The following DIP2C variants were observed in gnomAD, a reference collection of about 807,000 sequenced individuals.
DIP2C encodes the protein DIP2 acetate--CoA ligase C (putative), also known as disco-interacting protein 2 homolog C.
A neutral mutation model predicts 192.4 loss-of-function variants in DIP2C; 33 were observed. The ratio of observed to expected loss-of-function variants is 0.17; its 90% confidence interval spans 0.13 to 0.23. The LOEUF (loss-of-function observed/expected upper bound fraction) is 0.23. DIP2C is among the 10% of genes least tolerant of loss of function. The pLI is 1.00. For synonymous variants in DIP2C, 979 were observed against 864.1 expected, an observed-to-expected ratio of 1.13 and a Z score of -2.33; for missense variants, 1,537 against 2,110.1, an observed-to-expected ratio of 0.73 and a Z score of 5.32.
chr10:580,151 G>T (rs570815914), intron 1 of DIP2C, among the ~76,000 whole-genome samples: 9 of 152,092 alleles, frequency 5.9e-5, no homozygotes, highest in South Asian at 2.1e-4. Flanking sequence ...ACACATATCC[G>T]ATGTACAGTG....
intron 29 of DIP2C, among the ~76,000 whole-genome samples, chr10:331,104 C>T (rs1333620059): frequency 6.6e-6 from 1 of 151,684 alleles, no homozygotes; most frequent in African/African-American, 2.4e-5. Flanking sequence ...GCATGAGCTG[C>T]CATAAGAGGC....
chr10:555,008 G>A (rs1202255897), intron 1 of DIP2C, among the ~76,000 whole-genome samples: 1 of 152,082 alleles, frequency 6.6e-6, no homozygotes, highest in East Asian at 1.9e-4. Flanking sequence ...ATATCACAAA[G>A]GGATTAGACT....
chr10:445,884 G>C (rs1968147300), intron 3 of DIP2C, among the ~76,000 whole-genome samples: 1 of 150,320 alleles, frequency 6.7e-6, no homozygotes, highest in South Asian at 2.1e-4. Flanking sequence ...ATTGAGAAGA[G>C]TCTATCTTGC....
chr10:314,788 G>C (rs1246643991), intron 31 of DIP2C, among the ~76,000 whole-genome samples: 1 of 152,218 alleles, frequency 6.6e-6, no homozygotes, highest in Non-Finnish European at 1.5e-5. Flanking sequence ...TTATAAGGGT[G>C]GAAGTCCCAT....
chr10:284,145 T>A (rs1589383192), intron 34 of DIP2C, among the ~76,000 whole-genome samples: 1 of 152,064 alleles, frequency 6.6e-6, no homozygotes, highest in Non-Finnish European at 1.5e-5. Context: ...GACTCTGGAG[T>A]GTTTGCTGTG....
chr10:545,922 C>T (rs1320392749), intron 1 of DIP2C, among the ~76,000 whole-genome samples: 4 of 152,132 alleles, frequency 2.6e-5, no homozygotes, highest in Non-Finnish European at 4.4e-5. Context: ...CGGTTTAAGC[C>T]GGTGGTTTTC....
At chr10:626,188 C>T (rs1230084234) in intron 1 of DIP2C, among the ~76,000 whole-genome samples, 5 of 152,198 alleles carry the variant, frequency 3.3e-5, no homozygotes, top group African/African-American at 1.2e-4. Flanking sequence ...CCTCCATGTG[C>T]ACCTGTGACG....
intron 34 of DIP2C, among the ~76,000 whole-genome samples, chr10:285,722 A>G (rs1387899820): frequency 6.6e-6 from 1 of 152,240 alleles, no homozygotes; most frequent in Non-Finnish European, 1.5e-5. Flanking sequence ...GTCTTTCTCT[A>G]GCTGCATCCC....
At chr10:317,729 T>C (rs1489635318) in intron 31 of DIP2C, among the ~76,000 whole-genome samples, 4 of 152,158 alleles carry the variant, frequency 2.6e-5, no homozygotes, top group African/African-American at 9.7e-5. Context: ...CAGCGGTGAC[T>C]CCAACATTCC....
chr10:295,762 C>A (rs1366984912), intron 32 of DIP2C, among the ~76,000 whole-genome samples: 3 of 150,566 alleles, frequency 2.0e-5, no homozygotes, highest in Non-Finnish European at 3.0e-5. Context: ...AACACACATA[C>A]CCTTGGGAGG....
At chr10:529,960 G>A (rs1159340422) in intron 1 of DIP2C, among the ~76,000 whole-genome samples, 4 of 152,128 alleles carry the variant, frequency 2.6e-5, no homozygotes, top group South Asian at 4.1e-4. Context: ...TTCCTAATTC[G>A]CCACCACGTG....
intron 12 of DIP2C, 73 bp from the exon 13 acceptor site, chr10:390,166 C>T (rs1323152812): frequency 1.9e-6 from 3 of 1,580,314 alleles, no homozygotes; most frequent in Admixed American, 1.7e-5. Flanking sequence ...TTGAGGTTCT[C>T]CAAGTCCCTG....
intron 1 of DIP2C, among the ~76,000 whole-genome samples, chr10:533,881 T>C (rs1364587786): frequency 6.6e-6 from 1 of 152,012 alleles, no homozygotes; most frequent in Non-Finnish European, 1.5e-5. Context: ...CTGAGAACTG[T>C]CTCAGAGACA....
chr10:645,866 C>A (rs1397021379), intron 1 of DIP2C, among the ~76,000 whole-genome samples: 2 of 152,206 alleles, frequency 1.3e-5, no homozygotes, highest in Admixed American at 1.3e-4. Context: ...CTGCTGACCA[C>A]TAGGACATAA....
chr10:540,000 C>G (rs1004622842), intron 1 of DIP2C, among the ~76,000 whole-genome samples: 1 of 152,210 alleles, frequency 6.6e-6, no homozygotes, highest in African/African-American at 2.4e-5. Context: ...CAGAAAGCCA[C>G]TTTCCCCTTC....
At chr10:325,828 G>A (rs924972068) in intron 31 of DIP2C, among the ~76,000 whole-genome samples, 1 of 152,090 alleles carries the variant, frequency 6.6e-6, no homozygotes, top group Non-Finnish European at 1.5e-5. Context: ...CTTAAAGATG[G>A]AGCTATTATA....
At chr10:655,071 T>C (rs1410616033) in intron 1 of DIP2C, among the ~76,000 whole-genome samples, 1 of 152,114 alleles carries the variant, frequency 6.6e-6, no homozygotes, top group African/African-American at 2.4e-5. Context: ...TGCCTAAACA[T>C]GCTCACAGTA....
In DIP2C at chr10:320,508, CA is replaced by C. The variant is rs71505870; in HGVS notation, c.3924+6497del. Reference sequence around the variant, plus strand: ...GGATGACAAGAGCAAGACTCCGTCTCAAAAAAAAAAAAAAAAATCAAGTATC... The same window carrying C: ...GGATGACAAGAGCAAGACTCCGTCTCAAAAAAAAAAAAAAAATCAAGTATC... On this transcript the variant is annotated intron_variant, in intron 31 of 36. Coordinates refer to ENST00000280886, the MANE Select transcript of DIP2C (RefSeq NM_014974.3). 5.1e-3 allele frequency among the ~76,000 whole-genome samples: 547 copies of C among 106,606 alleles called. 1 individual carries two copies. The highest frequency in any genetic ancestry group is 0.011 in the Middle Eastern group (2 of 180). 69.9% of individuals were successfully genotyped at this position (106,606 alleles called of 152,430 possible). A position where few individuals can be genotyped will look rare whatever the true frequency, so the allele number is the denominator to read the frequency against.
intron 14 of DIP2C, among the ~76,000 whole-genome samples, chr10:385,977 G>A (rs1962865317): frequency 6.6e-6 from 1 of 152,200 alleles, no homozygotes; most frequent in Non-Finnish European, 1.5e-5. Flanking sequence ...CGCTTTAGAT[G>A]TGACAGTGGA....
Sources: gnomAD v4.1 joint callset for allele counts (sites outside exome capture counted in the v4.1 genomes callset) on GRCh38, gnomAD v4.1.1 for gene constraint, MANE v1.5 for transcripts, NCBI Gene and HGNC (gene_info 2026-07-23, HGNC 2026-07-21) for gene names.